The following BRINP2 variants were observed in gnomAD, a reference collection of about 807,000 sequenced individuals.
BRINP2 encodes BMP/retinoic acid-inducible neural-specific protein 2.
Under a neutral mutation model 69.2 loss-of-function variants are expected in BRINP2, and 21 were observed. The ratio of observed to expected loss-of-function variants is 0.30; its 90% confidence interval spans 0.22 to 0.44. BRINP2 has a LOEUF of 0.44. Among genes scored for constraint, BRINP2 ranks in the 20% least tolerant of loss-of-function variants. The pLI is 1.00. For missense variants in BRINP2, 877 were observed against 986.0 expected (o/e 0.89, Z 1.48); for synonymous variants, 380 against 394.1 (o/e 0.96, Z 0.42).
intron 2 of BRINP2, among the ~76,000 whole-genome samples, chr1:177,238,111 G>A (rs374727824): frequency 1.3e-5 from 2 of 152,124 alleles, no homozygotes; most frequent in African/African-American, 4.8e-5. Context: ...CAAGGGCTGG[G>A]GACAGACCCT....
intron 4 of BRINP2, among the ~76,000 whole-genome samples, chr1:177,269,334 A>G (rs1651233610): frequency 6.6e-6 from 1 of 152,248 alleles, no homozygotes; most frequent in Non-Finnish European, 1.5e-5. Flanking sequence ...GAAGGGTTGT[A>G]TACATAGACA....
chr1:177,232,148 T>C (rs1291287157), intron 2 of BRINP2, among the ~76,000 whole-genome samples: 2 of 152,184 alleles, frequency 1.3e-5, no homozygotes, highest in African/African-American at 2.4e-5. Context: ...GGAATTGAAG[T>C]CAGGCTGGGA....
At chr1:177,182,229 C>G (rs533763251) in intron 1 of BRINP2, among the ~76,000 whole-genome samples, 79 of 151,256 alleles carry the variant, frequency 5.2e-4, no homozygotes, top group Non-Finnish European at 9.1e-4. Flanking sequence ...TTTGGCAACT[C>G]CCCACCACCT....
intron 1 of BRINP2, among the ~76,000 whole-genome samples, chr1:177,195,121 T>A (rs1292305909): frequency 6.6e-6 from 1 of 152,178 alleles, no homozygotes; most frequent in Non-Finnish European, 1.5e-5. Flanking sequence ...CCACTTTTCT[T>A]CACTGTCCTG....
At chr1:177,175,412 G>C (rs1648061821) in intron 1 of BRINP2, among the ~76,000 whole-genome samples, 1 of 152,310 alleles carries the variant, frequency 6.6e-6, no homozygotes, top group Middle Eastern at 3.4e-3. Flanking sequence ...GGCCCACCAG[G>C]AGAGAGCTGT....
At chr1:177,199,161 C>A (rs1648830902) in intron 1 of BRINP2, among the ~76,000 whole-genome samples, 1 of 152,136 alleles carries the variant, frequency 6.6e-6, no homozygotes, top group African/African-American at 2.4e-5. Flanking sequence ...CTTATTGCCC[C>A]CAAATGGTTG....
chr1:177,250,397 G>C (rs1026186890), intron 2 of BRINP2, among the ~76,000 whole-genome samples: 1 of 152,120 alleles, frequency 6.6e-6, no homozygotes, highest in South Asian at 2.1e-4. Context: ...CACAATCTCG[G>C]CTCACTCCAA....
At chr1:177,258,252 T>A (rs1321215420) in intron 4 of BRINP2, among the ~76,000 whole-genome samples, 4 of 152,366 alleles carry the variant, frequency 2.6e-5, no homozygotes, top group Admixed American at 6.5e-5. Flanking sequence ...TACAGTTTTT[T>A]AAAAATTCTA....
chr1:177,172,972 C>T (rs1244049215), intron 1 of BRINP2, among the ~76,000 whole-genome samples: 1 of 152,180 alleles, frequency 6.6e-6, no homozygotes, highest in African/African-American at 2.4e-5. Context: ...GTGACTCTCT[C>T]TGACCATGCT....
At chr1:177,259,034 G>T (rs779386402) in intron 4 of BRINP2, among the ~76,000 whole-genome samples, 1 of 152,202 alleles carries the variant, frequency 6.6e-6, no homozygotes, top group Non-Finnish European at 1.5e-5. Context: ...TAGTGAGGAA[G>T]GCATGTCAGA....
chr1:177,245,472 T>C (rs1016532508), intron 2 of BRINP2, among the ~76,000 whole-genome samples: 1 of 152,134 alleles, frequency 6.6e-6, no homozygotes, highest in African/African-American at 2.4e-5. Flanking sequence ...TACCAGTCTG[T>C]GGGAATTCTC....
chr1:177,240,612 G>A (rs554148819), intron 2 of BRINP2, among the ~76,000 whole-genome samples: 14 of 152,278 alleles, frequency 9.2e-5, no homozygotes, highest in Non-Finnish European at 1.3e-4. Context: ...GTGAGACTCC[G>A]TAAAAGAAAT....
At chr1:177,202,414 T>C (rs1249655198) in intron 1 of BRINP2, among the ~76,000 whole-genome samples, 1 of 152,230 alleles carries the variant, frequency 6.6e-6, no homozygotes, top group Non-Finnish European at 1.5e-5. Flanking sequence ...TTTGTTCTTG[T>C]TGGTTTCAAA....
At chr1:177,248,243 A>C (rs771799974) in intron 2 of BRINP2, among the ~76,000 whole-genome samples, 2 of 152,138 alleles carry the variant, frequency 1.3e-5, no homozygotes, top group Non-Finnish European at 2.9e-5. Context: ...CAGATTTTAG[A>C]ATATTTGCAT....
chr1:177,272,016 C>T (rs1651344241), intron 4 of BRINP2, among the ~76,000 whole-genome samples: 1 of 152,220 alleles, frequency 6.6e-6, no homozygotes, highest in Non-Finnish European at 1.5e-5. Context: ...CTTACACTTT[C>T]ATATTCACCA....
intron 2 of BRINP2, among the ~76,000 whole-genome samples, chr1:177,254,182 A>C (rs988300977): frequency 2.6e-5 from 4 of 152,310 alleles, no homozygotes; most frequent in Non-Finnish European, 5.9e-5. Context: ...ACAACTTTGC[A>C]ATCTTCTAGA....
rs1649805920 is a variant in BRINP2, at chr1:177,229,766, G to A, written c.-76-35G>A. 8 of 1,428,070 alleles carry A rather than the reference G, an allele frequency of 5.6e-6. No homozygotes were observed. The East Asian group carries it at 1.9e-4, about 34-fold the overall frequency. 88.5% of individuals were successfully genotyped at this position (1,428,070 alleles called of 1,614,324 possible). A position where few individuals can be genotyped will look rare whatever the true frequency, so the allele number is the denominator to read the frequency against. On this transcript the variant is annotated intron_variant, in intron 1 of 7. Coordinates refer to ENST00000361539, the MANE Select transcript of BRINP2 (RefSeq NM_021165.4). The stretch of plus-strand genomic sequence containing the variant: ...GCTCACAGGCCCATGGGGTAACAGG[G>A]TGCTCAAATGACAATGCCTTTTGTA...
In BRINP2 at chr1:177,216,996, G is replaced by T. The variant is rs140477955; in HGVS notation, c.-76-12805G>T. Among the ~76,000 whole-genome samples, 604 of 151,808 alleles carry T rather than the reference G, an allele frequency of 4.0e-3. 3 individuals carry two copies. The highest frequency in any genetic ancestry group is 0.011 in the South Asian group (53 of 4,800). The stretch of plus-strand genomic sequence containing the variant: ...CTTGGTGAATTCTTTTTTGGTTAGA[G>T]TTTTATTGCTGACCTCCACATTTTG... On this transcript the variant is annotated intron_variant, in intron 1 of 7. Coordinates refer to ENST00000361539, the MANE Select transcript of BRINP2 (RefSeq NM_021165.4).
At chr1:177,214,593 A>T (rs1218059201) in intron 1 of BRINP2, among the ~76,000 whole-genome samples, 1 of 152,144 alleles carries the variant, frequency 6.6e-6, no homozygotes, top group African/African-American at 2.4e-5. Context: ...TTTGGCACCA[A>T]CACCAGGAGT....
Sources: gnomAD v4.1 joint callset for allele counts (sites outside exome capture counted in the v4.1 genomes callset) on GRCh38, gnomAD v4.1.1 for gene constraint, MANE v1.5 for transcripts, NCBI Gene and HGNC (gene_info 2026-07-23, HGNC 2026-07-21) for gene names.